Variants in NKAIN2 observed in about 807,000 individuals in gnomAD.
NKAIN2 encodes the protein sodium/potassium-transporting ATPase subunit beta-1-interacting protein 2.
In NKAIN2, 14 loss-of-function variants were observed where a neutral mutation model predicts 32.6. The ratio of observed to expected loss-of-function variants is 0.43; its 90% confidence interval spans 0.28 to 0.67. The LOEUF (loss-of-function observed/expected upper bound fraction) is 0.67, where lower values mean the gene tolerates loss of function less well. NKAIN2 is among the 30% of genes least tolerant of loss of function. NKAIN2 has a pLI of 0.17. For synonymous variants in NKAIN2, 80 were observed against 87.2 expected (o/e 0.92, Z 0.46); for missense variants, 198 against 258.3 (o/e 0.77, Z 1.60).
intron 4 of NKAIN2, among the ~76,000 whole-genome samples, chr6:124,717,236 G>T (rs571827775): frequency 3.9e-5 from 6 of 152,238 alleles, no homozygotes; most frequent in African/African-American, 1.4e-4. Flanking sequence ...TCTATAAATT[G>T]TAGCACTATT....
chr6:124,435,032 C>T (rs1397851001), intron 3 of NKAIN2, among the ~76,000 whole-genome samples: 2 of 152,072 alleles, frequency 1.3e-5, no homozygotes, highest in Non-Finnish European at 2.9e-5. Flanking sequence ...AAATAATTAT[C>T]ATGAAGAGTT....
In NKAIN2 at chr6:124,130,848, A is replaced by T. The variant is rs73566097; in HGVS notation, c.55-152157A>T. Reference sequence around the variant, plus strand: ...AGGTCATGATGGATAGAAAGTGGATATAGGGGATCCCATCTGGGATGTAAA... The same window carrying T: ...AGGTCATGATGGATAGAAAGTGGATTTAGGGGATCCCATCTGGGATGTAAA... On this transcript the variant is annotated intron_variant, in intron 1 of 6. Coordinates refer to ENST00000368417, the MANE Select transcript of NKAIN2 (RefSeq NM_001040214.3). Among the ~76,000 whole-genome samples, 775 of 152,302 alleles carry T rather than the reference A, an allele frequency of 5.1e-3. 2 individuals are homozygous for T. Among genetic ancestry groups the T allele is most frequent in the African/African-American group, 0.017 (722 of 41,556 alleles).
At chr6:123,972,330 T>C (rs1778382150) in intron 1 of NKAIN2, among the ~76,000 whole-genome samples, 1 of 152,200 alleles carries the variant, frequency 6.6e-6, no homozygotes, top group South Asian at 2.1e-4. Flanking sequence ...ATTATTTAGA[T>C]TTGATCAAAC....
At chr6:124,273,410 A>G (rs1333294978) in intron 1 of NKAIN2, among the ~76,000 whole-genome samples, 1 of 152,134 alleles carries the variant, frequency 6.6e-6, no homozygotes, top group Non-Finnish European at 1.5e-5. Context: ...ACTTTCTACC[A>G]TGATTATAAG....
chr6:123,809,771 C>G (rs1460899167), intron 1 of NKAIN2, among the ~76,000 whole-genome samples: 1 of 152,040 alleles, frequency 6.6e-6, no homozygotes, highest in Non-Finnish European at 1.5e-5. Context: ...TAGGAATATT[C>G]TAAGATTTAA....
At chr6:124,328,055 C>T (rs971514931) in intron 2 of NKAIN2, among the ~76,000 whole-genome samples, 12 of 151,922 alleles carry the variant, frequency 7.9e-5, no homozygotes, top group Admixed American at 2.6e-4. Flanking sequence ...TGTAAGTGTA[C>T]ACAGGGAATT....
intron 4 of NKAIN2, among the ~76,000 whole-genome samples, chr6:124,680,348 T>G (rs1443221863): frequency 6.6e-6 from 1 of 152,054 alleles, no homozygotes; most frequent in African/African-American, 2.4e-5. Flanking sequence ...TATCTATGAG[T>G]GGAATTGACA....
chr6:123,854,955 G>A (rs1775500103), intron 1 of NKAIN2, among the ~76,000 whole-genome samples: 1 of 152,144 alleles, frequency 6.6e-6, no homozygotes, highest in African/African-American at 2.4e-5. Context: ...TCACTGAAAT[G>A]AAATGATTCT....
chr6:124,788,059 C>T (rs1779581624), intron 4 of NKAIN2, among the ~76,000 whole-genome samples: 1 of 152,054 alleles, frequency 6.6e-6, no homozygotes, highest in Non-Finnish European at 1.5e-5. Context: ...GTACAGTTTT[C>T]TTCCTTCTTT....
chr6:123,834,837 A>G (rs544983293), intron 1 of NKAIN2, among the ~76,000 whole-genome samples: 46 of 151,898 alleles, frequency 3.0e-4, no homozygotes, highest in African/African-American at 1.1e-3. Context: ...TTTGATTTTT[A>G]TTTATTAGCT....
chr6:124,618,476 C>T (rs749272062), intron 3 of NKAIN2, among the ~76,000 whole-genome samples: 1 of 152,038 alleles, frequency 6.6e-6, no homozygotes, highest in South Asian at 2.1e-4. Flanking sequence ...GAAACTCTGT[C>T]TCAAAAATAA....
intron 1 of NKAIN2, among the ~76,000 whole-genome samples, chr6:123,913,921 G>A (rs1299822362): frequency 1.3e-5 from 2 of 151,988 alleles, no homozygotes; most frequent in Non-Finnish European, 2.9e-5. Flanking sequence ...AAAACATATA[G>A]TATTTGTTAA....
At chr6:124,555,110 CA>C (rs1408003879) in intron 3 of NKAIN2, among the ~76,000 whole-genome samples, 1 of 152,162 alleles carries the variant, frequency 6.6e-6, no homozygotes, top group East Asian at 1.9e-4. Context: ...GCATGTTTCC[CA>C]GCCAGAATCT....
intron 4 of NKAIN2, among the ~76,000 whole-genome samples, chr6:124,700,871 GACACACACACAC>G (rs143125409): frequency 4.1e-5 from 6 of 145,380 alleles, no homozygotes; most frequent in South Asian, 2.2e-4. Context: ...TCTCTTTCCT[GACACACACACAC>G]ACACACACAC....
At chr6:124,114,188 T>C (rs558534761) in intron 1 of NKAIN2, among the ~76,000 whole-genome samples, 2 of 152,300 alleles carry the variant, frequency 1.3e-5, no homozygotes, top group East Asian at 1.9e-4. Context: ...GCAGTAGTGC[T>C]ATGTGTGAAG....
At chr6:124,721,183 G>A (rs1463757408) in intron 4 of NKAIN2, among the ~76,000 whole-genome samples, 14 of 152,088 alleles carry the variant, frequency 9.2e-5, no homozygotes, top group Non-Finnish European at 1.9e-4. Context: ...TTGGGAGGCC[G>A]AGGCGGGAGG....
rs537215503 is a variant in NKAIN2 at position 124,296,366 on chromosome 6, C to T, written c.192+13224C>T. Among the ~76,000 whole-genome samples the T allele has an allele frequency of 9.3e-4, 141 of 152,118 alleles. 2 individuals are homozygous for T. The South Asian group carries it at 0.023, about 25-fold the overall frequency. The stretch of plus-strand genomic sequence containing the variant: ...TCAAAACATCTTTGATGACCTTATT[C>T]GATAGTTATGGAAATTATTTTACAT... On this transcript the variant is annotated intron_variant, in intron 2 of 6. Coordinates refer to ENST00000368417, the MANE Select transcript of NKAIN2 (RefSeq NM_001040214.3).
intron 4 of NKAIN2, among the ~76,000 whole-genome samples, chr6:124,710,503 TCTGGGTGCTCCTGTA>T (rs1183893595): frequency 3.3e-5 from 5 of 152,076 alleles, no homozygotes; most frequent in Non-Finnish European, 5.9e-5. Flanking sequence ...GCTTTATGAA[TCTGGGTGCTCCTGTA>T]TTGGGTGCGT....
intron 1 of NKAIN2, among the ~76,000 whole-genome samples, chr6:124,240,921 G>A (rs954343387): frequency 1.3e-5 from 2 of 152,090 alleles, no homozygotes; most frequent in Non-Finnish European, 2.9e-5. Context: ...GAAATAAATG[G>A]TATTCAAATA....
Sources: gnomAD v4.1 joint callset for allele counts (sites outside exome capture counted in the v4.1 genomes callset) on GRCh38, gnomAD v4.1.1 for gene constraint, MANE v1.5 for transcripts, NCBI Gene and HGNC (gene_info 2026-07-23, HGNC 2026-07-21) for gene names.